DNAJC13: variants seen among roughly 807,000 people sequenced by gnomAD.
DNAJC13 encodes dnaJ homolog subfamily C member 13.
A neutral mutation model predicts 290.5 loss-of-function variants in DNAJC13; 75 were observed. The ratio of observed to expected loss-of-function variants is 0.26; its 90% CI spans 0.21 to 0.31. The LOEUF (loss-of-function observed/expected upper bound fraction) is 0.31. DNAJC13 is among the 10% of genes least tolerant of loss of function. DNAJC13 has a pLI of 1.00. For synonymous variants in DNAJC13, 862 were observed against 892.0 expected, an observed-to-expected ratio of 0.97 and a Z score of 0.60; for missense variants, 2,260 against 2,674.5, an observed-to-expected ratio of 0.85 and a Z score of 3.42.
intron 43 of DNAJC13, 120 bp downstream of exon 43, chr3:132,507,473 CTTTT>C (rs55927833): frequency 5.6e-6 from 3 of 531,456 alleles, no homozygotes; most frequent in Non-Finnish European, 9.7e-6. Context: ...TACTGTGCTG[CTTTT>C]TTTTTTTTAA....
At chr3:132,515,793 GT>G (rs1216545898) in intron 46 of DNAJC13, among the ~76,000 whole-genome samples, 1 of 152,136 alleles carries the variant, frequency 6.6e-6, no homozygotes, top group East Asian at 1.9e-4. Context: ...CATTGTTACT[GT>G]TCTTGTTGTT....
intron 33 of DNAJC13, among the ~76,000 whole-genome samples, chr3:132,493,657 A>G (rs184757109): frequency 6.6e-6 from 1 of 151,868 alleles, no homozygotes; most frequent in African/African-American, 2.4e-5. Flanking sequence ...CTTGTGTTCT[A>G]TCCGTTACAT....
At chr3:132,525,059 G>A (rs1425758462) in intron 51 of DNAJC13, among the ~76,000 whole-genome samples, 3 of 152,184 alleles carry the variant, frequency 2.0e-5, no homozygotes. Flanking sequence ...CTGCAATAGA[G>A]GCTGGGCGCG....
intron 26 of DNAJC13, among the ~76,000 whole-genome samples, chr3:132,480,974 G>A (rs1934648375): frequency 6.6e-6 from 1 of 152,172 alleles, no homozygotes; most frequent in Non-Finnish European, 1.5e-5. Context: ...TGCTATTTGA[G>A]TATTTAGTAT....
In DNAJC13 at chr3:132,471,807, G is replaced by A. The variant is rs1167650936; in HGVS notation, c.2209-1338G>A. Among the ~76,000 whole-genome samples, 7 of 146,734 alleles carry A rather than the reference G, an allele frequency of 4.8e-5. 1 individual carries two copies. The highest frequency in any genetic ancestry group is 2.1e-4 in the Admixed American group (3 of 14,502). On this transcript the variant is annotated intron_variant, in intron 20 of 55. Transcript: ENST00000260818. ...GCTCCTCACATCCCAGACGATGGGC[G>A]GCCAGGCAGAGACGGTCATCACTTC...
At chr3:132,446,597 A>T (rs771815116) in intron 3 of DNAJC13, 47 bp downstream of exon 3, 6 of 1,359,158 alleles carry the variant, frequency 4.4e-6, no homozygotes, top group South Asian at 3.8e-5. Context: ...CTCCCTTTGA[A>T]TTTTAAAAGC....
At chr3:132,463,670 G>T in intron 16 of DNAJC13, 26 bp from the exon 17 acceptor site, 1 of 1,604,228 alleles carries the variant, frequency 6.2e-7, no homozygotes, top group South Asian at 1.1e-5. Context: ...TGCCACCTTA[G>T]GGATCATCTT....
chr3:132,519,833 C>T (rs1559910535), intron 48 of DNAJC13, among the ~76,000 whole-genome samples: 1 of 152,124 alleles, frequency 6.6e-6, no homozygotes. Context: ...CTGATGAAGA[C>T]ATACCCAACA....
chr3:132,526,226 C>G lies in DNAJC13; in HGVS notation c.6326C>G (p.Ala2109Gly), dbSNP rs758424341. 3 of 1,613,998 alleles carry G rather than the reference C, an allele frequency of 1.9e-6. No individual in the cohort carries two copies. The highest frequency in any genetic ancestry group is 2.5e-6 in the Non-Finnish European group (3 of 1,179,970). The part of the protein sequence containing the change: ...MKKRADTVGL[A>G]CEAINRMFQK... ...AAGCGAGCAGATACTGTTGGTCTAG[C>G]CTGTGAAGCAATTAATCGAATGTTT... Residue 2109 changes from alanine (A) to glycine (G), a missense_variant, in exon 53 of 56, where the codon GCC becomes GGC. Physicochemically the swap from Ala to Gly is moderately conservative, Grantham distance 60. Coordinates refer to ENST00000260818, the MANE Select transcript of DNAJC13 (RefSeq NM_015268.4).
chr3:132,438,068 A>G (rs75148475), intron 2 of DNAJC13, among the ~76,000 whole-genome samples: 4 of 145,874 alleles, frequency 2.7e-5, no homozygotes, highest in Admixed American at 6.8e-5. Context: ...AAAAAAAAAA[A>G]GGCAGCTGAC....
intron 20 of DNAJC13, among the ~76,000 whole-genome samples, chr3:132,471,261 C>T (rs1934238670): frequency 7.1e-6 from 1 of 141,454 alleles, no homozygotes; most frequent in South Asian, 2.3e-4. Context: ...CCCCACCTCC[C>T]TCCCGGATGG....
In DNAJC13 at chr3:132,507,250, A is replaced by T. The variant is rs1444991645; in HGVS notation, c.5012A>T (p.Lys1671Ile). Residue 1671 changes from lysine to isoleucine, a missense_variant, in exon 43 of 56, where the codon AAA (lysine) becomes ATA (isoleucine). Physicochemically the swap from Lys to Ile is moderately radical, Grantham distance 102. Transcript: ENST00000260818. The stretch of plus-strand genomic sequence containing the variant: ...TCTTTTAAAAAGGGTGATTGTGACA[A>T]AACTTATGGATCAGAATTTGTCTAC... ...ENMIKKGDCD[K>I]TYGSEFVYSD... 1 of 1,609,788 alleles carries T rather than the reference A, an allele frequency of 6.2e-7. No individual in the cohort carries two copies. The highest frequency in any genetic ancestry group is 1.1e-5 in the South Asian group (1 of 90,378).
At chr3:132,470,610 G>C (rs1223379716) in intron 20 of DNAJC13, among the ~76,000 whole-genome samples, 5 of 111,792 alleles carry the variant, frequency 4.5e-5, no homozygotes, top group Admixed American at 8.8e-5. Context: ...CTGGCCGGGC[G>C]GGGGGGCTGA....
chr3:132,484,874 C>A (rs889828294), intron 29 of DNAJC13, among the ~76,000 whole-genome samples: 1 of 151,916 alleles, frequency 6.6e-6, no homozygotes, highest in African/African-American at 2.4e-5. Flanking sequence ...TTCGAGACCA[C>A]TTTGGTCAAC....
At chr3:132,510,203 C>A (rs1367683726) in intron 43 of DNAJC13, among the ~76,000 whole-genome samples, 1 of 152,058 alleles carries the variant, frequency 6.6e-6, no homozygotes, top group Non-Finnish European at 1.5e-5. Context: ...GGATATCAGA[C>A]CACCAGACAC....
At position 132,453,588 on chromosome 3, in the gene DNAJC13, A is replaced by AT. The variant is rs139307487; in HGVS notation, c.745-5dup. The AT allele has an allele frequency of 3.4e-3, 5,463 of 1,606,914 alleles. 133 individuals are homozygous for AT. The African/African-American group carries it at 0.064, about 19-fold the overall frequency. On this transcript the variant is annotated splice_polypyrimidine_tract_variant and intron_variant, in intron 7 of 55. Coordinates refer to ENST00000260818, the MANE Select transcript of DNAJC13 (RefSeq NM_015268.4). Reference sequence around the variant, plus strand: ...TAACTTCTTAATATGTCTCAATTTTATTTTTTGAAGGAGCCTGTTAAAAGA... The same window carrying AT: ...TAACTTCTTAATATGTCTCAATTTTATTTTTTTGAAGGAGCCTGTTAAAAGA...
intron 48 of DNAJC13, among the ~76,000 whole-genome samples, chr3:132,522,023 T>C (rs552508054): frequency 6.6e-6 from 1 of 152,308 alleles, no homozygotes; most frequent in Admixed American, 6.5e-5. Context: ...CTGGCAGTTA[T>C]GGAGGTTTTA....
chr3:132,442,117 A>C (rs1173667791), intron 2 of DNAJC13, among the ~76,000 whole-genome samples: 1 of 148,732 alleles, frequency 6.7e-6, no homozygotes, highest in Non-Finnish European at 1.5e-5. Context: ...CATGCTATAA[A>C]ATGCCATATG....
chr3:132,483,653 TA>T (rs1934755802), intron 28 of DNAJC13, 76 bp downstream of exon 28: 1 of 1,419,020 alleles, frequency 7.0e-7, no homozygotes, highest in African/African-American at 1.4e-5. Flanking sequence ...TCTGGTGTTT[TA>T]AAACAAAGAT....
Sources: allele counts gnomAD v4.1 joint callset (sites outside exome capture counted in the v4.1 genomes callset), GRCh38; gene constraint gnomAD v4.1.1; transcripts MANE v1.5; gene names NCBI Gene and HGNC (gene_info 2026-07-23, HGNC 2026-07-21).